DPP6: variants seen among roughly 807,000 people sequenced by gnomAD.
The protein encoded by DPP6 is A-type potassium channel modulatory protein DPP6.
Under a neutral mutation model 122.6 loss-of-function variants are expected in DPP6, and 69 were observed. That is an observed-to-expected ratio of 0.56 (90% CI 0.46 to 0.69). DPP6 has a LOEUF of 0.69. Ranked by LOEUF, DPP6 falls within the 30% of genes least tolerant of loss-of-function variation. The probability of loss-of-function intolerance (pLI) is 0.00; values close to 1 mark genes in which losing one functional copy is unlikely to be tolerated. For missense variants in DPP6, 928 were observed against 1,116.9 expected (o/e 0.83, Z 2.41); for synonymous variants, 418 against 433.1 (o/e 0.97, Z 0.43).
chr7:154,081,139 G>A (rs1363950911), intron 1 of DPP6, among the ~76,000 whole-genome samples: 1 of 151,886 alleles, frequency 6.6e-6, no homozygotes, highest in East Asian at 1.9e-4. Context: ...GCATGACCTA[G>A]CCCCTGATCA....
At position 154,892,603 on chromosome 7, in the gene DPP6, G is replaced by A; in HGVS notation, c.*123G>A. On this transcript the variant is annotated 3_prime_UTR_variant, in exon 26 of 26. Transcript: ENST00000377770. ...GGCGGGGCCGGGTGTTCCATAGCAT[G>A]TGTGTCTCGGATGCGGAAGGCAGTT... 6.5e-7 allele frequency: 1 copy of A among 1,536,028 alleles called. No homozygotes were observed. Among genetic ancestry groups the A allele is most frequent in the Admixed American group, 1.8e-5 (1 of 55,618 alleles).
chr7:154,692,983 G>A (rs1840018175), intron 7 of DPP6, among the ~76,000 whole-genome samples: 1 of 152,056 alleles, frequency 6.6e-6, no homozygotes, highest in Non-Finnish European at 1.5e-5. Context: ...GTAGAGATGA[G>A]GTTTTGCTAT....
chr7:154,440,179 A>T (rs771381501), intron 1 of DPP6, among the ~76,000 whole-genome samples: 16 of 152,158 alleles, frequency 1.1e-4, no homozygotes, highest in Non-Finnish European at 2.1e-4. Context: ...GGAAGGTGGG[A>T]TGACATCGTC....
intron 8 of DPP6, among the ~76,000 whole-genome samples, chr7:154,745,519 T>C (rs963911278): frequency 6.6e-6 from 1 of 152,136 alleles, no homozygotes; most frequent in Non-Finnish European, 1.5e-5. Context: ...ACACAGGGTG[T>C]GTCTTAGTCT....
chr7:154,746,442 A>G (rs1171480227), intron 8 of DPP6, among the ~76,000 whole-genome samples: 2 of 152,156 alleles, frequency 1.3e-5, no homozygotes, highest in Non-Finnish European at 2.9e-5. Flanking sequence ...AAGTCCTTCC[A>G]TCGTGAGGTC....
chr7:154,309,559 T>C (rs1404859825), intron 1 of DPP6, among the ~76,000 whole-genome samples: 1 of 152,204 alleles, frequency 6.6e-6, no homozygotes, highest in Non-Finnish European at 1.5e-5. Context: ...TTTCTGATGT[T>C]CCTGTCCGCT....
chr7:153,790,320 T>G, the DPP6 span, among the ~76,000 whole-genome samples: 2 of 150,666 alleles, frequency 1.3e-5, no homozygotes, highest in Admixed American at 1.3e-4. Flanking sequence ...ATGGGAAAAA[T>G]AACTACTAAA....
At chr7:154,250,506 T>C (rs957959602) in intron 1 of DPP6, among the ~76,000 whole-genome samples, 6 of 152,080 alleles carry the variant, frequency 3.9e-5, no homozygotes, top group Non-Finnish European at 8.8e-5. Flanking sequence ...TTTCTGTCTG[T>C]GAATTCAAGT....
chr7:154,625,573 C>A (rs1475895287), intron 5 of DPP6, among the ~76,000 whole-genome samples: 1 of 152,160 alleles, frequency 6.6e-6, no homozygotes, highest in Non-Finnish European at 1.5e-5. Flanking sequence ...AGGAAGAGAA[C>A]CAGCTGTGCA....
intron 7 of DPP6, among the ~76,000 whole-genome samples, chr7:154,690,943 T>A (rs977673810): frequency 1.3e-5 from 2 of 152,248 alleles, no homozygotes; most frequent in Non-Finnish European, 2.9e-5. Flanking sequence ...TCTTACCTTA[T>A]GAGCACTAAA....
intron 1 of DPP6, among the ~76,000 whole-genome samples, chr7:154,332,147 C>G (rs920047731): frequency 6.6e-6 from 1 of 151,692 alleles, no homozygotes; most frequent in Non-Finnish European, 1.5e-5. Context: ...TCCCAGCTCA[C>G]TGCAACCTCC....
intron 1 of DPP6, among the ~76,000 whole-genome samples, chr7:154,258,428 C>T (rs1802796994): frequency 6.6e-6 from 1 of 152,172 alleles, no homozygotes; most frequent in African/African-American, 2.4e-5. Flanking sequence ...CACCACAGAA[C>T]CTGAACAGTA....
the DPP6 span, among the ~76,000 whole-genome samples, chr7:153,867,049 G>A: frequency 0.027 from 4,047 of 152,248 alleles, 156 homozygotes; most frequent in African/African-American, 0.091. Flanking sequence ...TTTTGTTACT[G>A]TAGCCTTGTA....
rs62472032 is a variant in DPP6, at chr7:154,863,926, C to T, written c.1715-4069C>T. 0.095 allele frequency among the ~76,000 whole-genome samples: 14,500 copies of T among 152,108 alleles called. 1,201 individuals carry two copies. Among genetic ancestry groups the T allele is most frequent in the East Asian group, 0.47 (2,421 of 5,140 alleles). On this transcript the variant is annotated intron_variant, in intron 17 of 25. Transcript: ENST00000377770. The surrounding 1 kb of genome is among the most constrained non-coding windows in gnomAD (Gnocchi z 4.1). ...TCTTCGAATATGACTAATGGCCTAG[C>T]CCTGGGGTAAGCGGACGGCAGCTGC...
chr7:154,613,016 G>T (rs1387969938), intron 5 of DPP6, among the ~76,000 whole-genome samples: 1 of 152,146 alleles, frequency 6.6e-6, no homozygotes, highest in Admixed American at 6.5e-5. Context: ...CTGACTTCTT[G>T]TTGTAGCCTC....
chr7:154,417,945 A>G (rs569299422), intron 1 of DPP6, among the ~76,000 whole-genome samples: 20 of 152,206 alleles, frequency 1.3e-4, no homozygotes, highest in Non-Finnish European at 2.8e-4. Context: ...CCTCAAAATC[A>G]TTTGTGTCTC....
At chr7:154,133,594 A>G (rs71221684) in intron 1 of DPP6, among the ~76,000 whole-genome samples, 1 of 152,212 alleles carries the variant, frequency 6.6e-6, no homozygotes, top group Admixed American at 6.5e-5. Flanking sequence ...ACTTCCTCAC[A>G]TTATAGTTTT....
chr7:154,418,814 A>G (rs915676154), intron 1 of DPP6, among the ~76,000 whole-genome samples: 2 of 152,208 alleles, frequency 1.3e-5, no homozygotes, highest in Admixed American at 1.3e-4. Context: ...TCTACCATCA[A>G]CTAAAATAAG....
intron 10 of DPP6, among the ~76,000 whole-genome samples, chr7:154,782,347 A>G (rs1216176869): frequency 2.6e-5 from 4 of 152,142 alleles, no homozygotes; most frequent in Admixed American, 2.6e-4. Context: ...ATTTTCTGTG[A>G]TTATCAAAAT....
Sources: allele counts gnomAD v4.1 joint callset (sites outside exome capture counted in the v4.1 genomes callset), GRCh38; gene constraint gnomAD v4.1.1; non-coding constraint Gnocchi (gnomAD v3.1); transcripts MANE v1.5; gene names NCBI Gene and HGNC (gene_info 2026-07-23, HGNC 2026-07-21).